The following DOCK8 variants were observed in gnomAD, a reference collection of about 807,000 sequenced individuals.
DOCK8 encodes dedicator of cytokinesis protein 8.
A neutral mutation model predicts 245.6 loss-of-function variants in DOCK8; 141 were observed. The ratio of observed to expected loss-of-function variants is 0.57; its 90% CI spans 0.50 to 0.66. DOCK8 has a LOEUF of 0.66. Among genes scored for constraint, DOCK8 ranks in the 30% least tolerant of loss-of-function variants. The pLI, the probability that DOCK8 is intolerant of heterozygous loss-of-function variation, is 0.00. For missense variants in DOCK8, 2,965 were observed against 2,603.4 expected (o/e 1.14, Z -3.02); for synonymous variants, 1,168 against 970.2 (o/e 1.20, Z -3.79).
At chr9:255,707 T>G (rs1036081219) in intron 1 of DOCK8, among the ~76,000 whole-genome samples, 2 of 148,546 alleles carry the variant, frequency 1.3e-5, no homozygotes, top group African/African-American at 5.0e-5. Context: ...CTCAAATAAC[T>G]TTACCGTACA....
At chr9:233,275 T>G (rs1472078077) in intron 1 of DOCK8, among the ~76,000 whole-genome samples, 1 of 152,070 alleles carries the variant, frequency 6.6e-6, no homozygotes, top group Non-Finnish European at 1.5e-5. Flanking sequence ...TTTGTTATAA[T>G]TTCTGTTCTT....
intron 1 of DOCK8, among the ~76,000 whole-genome samples, chr9:232,297 C>G (rs1011978691): frequency 1.3e-5 from 2 of 152,120 alleles, no homozygotes; most frequent in African/African-American, 2.4e-5. Context: ...ATTCGGTTTG[C>G]CAGTATTTTA....
chr9:443,285 C>T, intron 42 of DOCK8, 142 bp from the exon 43 acceptor site: 2 of 786,412 alleles, frequency 2.5e-6, no homozygotes, highest in Non-Finnish European at 4.3e-6. Context: ...CTGAACTTTG[C>T]TCATTAGCTC....
intron 1 of DOCK8, among the ~76,000 whole-genome samples, chr9:234,371 T>C (rs568766363): frequency 6.6e-6 from 1 of 152,296 alleles, no homozygotes; most frequent in African/African-American, 2.4e-5. Context: ...GACAATTATG[T>C]GTCTTGGAAT....
chr9:308,158 TTAA>T (rs1364482278), intron 5 of DOCK8, among the ~76,000 whole-genome samples: 1 of 152,304 alleles, frequency 6.6e-6, no homozygotes. Flanking sequence ...GTGACTAGAA[TTAA>T]TAATAATTTA....
At chr9:314,380 C>G (rs886954297) in intron 6 of DOCK8, 16 of 152,170 alleles carry the variant, frequency 1.1e-4, no homozygotes, top group African/African-American at 3.9e-4. Context: ...GAGAATATGT[C>G]CAGTGAGACG....
At chr9:243,986 C>T (rs571497671) in intron 1 of DOCK8, among the ~76,000 whole-genome samples, 75 of 152,074 alleles carry the variant, frequency 4.9e-4, no homozygotes, top group African/African-American at 1.8e-3. Flanking sequence ...AGATCGAGAC[C>T]ATCCTGGCTA....
At chr9:298,622 T>A (rs1358453543) in intron 4 of DOCK8, among the ~76,000 whole-genome samples, 1 of 83,202 alleles carries the variant, frequency 1.2e-5, no homozygotes, top group Non-Finnish European at 2.6e-5. Flanking sequence ...TCTGTAAGTG[T>A]GTGTGTGTGT....
intron 14 of DOCK8, among the ~76,000 whole-genome samples, chr9:343,535 C>G (rs1478342915): frequency 6.6e-6 from 1 of 151,464 alleles, no homozygotes; most frequent in African/African-American, 2.4e-5. Flanking sequence ...GAAATACAAA[C>G]AGCTATTCAC....
chr9:400,841 A>ACCTCCACCATCACCACCT (rs1340053546), intron 26 of DOCK8, among the ~76,000 whole-genome samples: 2 of 63,192 alleles, frequency 3.2e-5, no homozygotes, highest in African/African-American at 9.7e-5. Flanking sequence ...CATCACCACC[A>ACCTCCACCATCACCACCT]CCTCCACCAT....
intron 14 of DOCK8, among the ~76,000 whole-genome samples, chr9:349,554 T>A (rs1221962354): frequency 6.6e-6 from 1 of 152,220 alleles, no homozygotes; most frequent in Non-Finnish European, 1.5e-5. Flanking sequence ...TTCCCTAGAA[T>A]TACAGCTTTT....
chr9:438,994 T>C (rs757663379), intron 39 of DOCK8, among the ~76,000 whole-genome samples: 28 of 152,202 alleles, frequency 1.8e-4, no homozygotes, highest in Non-Finnish European at 2.5e-4. Context: ...GACATTGAGG[T>C]AAGTGTCCTT....
At chr9:311,491 A>G (rs1322475846) in intron 5 of DOCK8, among the ~76,000 whole-genome samples, 1 of 150,730 alleles carries the variant, frequency 6.6e-6, no homozygotes, top group East Asian at 2.0e-4. Context: ...GGCCTCAAGC[A>G]GTCCTCCCAC....
chr9:342,708 T>G (rs2051668809), intron 14 of DOCK8, among the ~76,000 whole-genome samples: 1 of 152,162 alleles, frequency 6.6e-6, no homozygotes, highest in South Asian at 2.1e-4. Context: ...GACCTCGTGA[T>G]CCACCTGCCT....
chr9:372,798 C>A (rs1563978116), intron 18 of DOCK8, among the ~76,000 whole-genome samples: 1 of 147,760 alleles, frequency 6.8e-6, no homozygotes, highest in Non-Finnish European at 1.5e-5. Context: ...TAAAGAGAAG[C>A]CCAGGTGGAT....
At chr9:344,858 C>T (rs1449283809) in intron 14 of DOCK8, among the ~76,000 whole-genome samples, 15 of 152,036 alleles carry the variant, frequency 9.9e-5, no homozygotes, top group African/African-American at 3.4e-4. Flanking sequence ...TCGAGACCAG[C>T]CTGGCCAACA....
chr9:343,129 A>G (rs2051692615), intron 14 of DOCK8, among the ~76,000 whole-genome samples: 1 of 152,184 alleles, frequency 6.6e-6, no homozygotes, highest in African/African-American at 2.4e-5. Context: ...TGATCCAAGC[A>G]TTCCCACCCC....
At chr9:323,486 G>C (rs1288602951) in intron 7 of DOCK8, among the ~76,000 whole-genome samples, 1 of 152,048 alleles carries the variant, frequency 6.6e-6, no homozygotes, top group Non-Finnish European at 1.5e-5. Context: ...CTCCCAAAGT[G>C]CTGGGATTAC....
chr9:425,439 G>A (rs1462920983), intron 33 of DOCK8, among the ~76,000 whole-genome samples: 1 of 151,670 alleles, frequency 6.6e-6, no homozygotes, highest in Non-Finnish European at 1.5e-5. Context: ...GGCTGAAGCA[G>A]GAGAATGGCG....
Sources: allele counts gnomAD v4.1 joint callset (sites outside exome capture counted in the v4.1 genomes callset), GRCh38; gene constraint gnomAD v4.1.1; transcripts MANE v1.5; gene names NCBI Gene and HGNC (gene_info 2026-07-23, HGNC 2026-07-21).